Variants in TMEM87A observed in about 807,000 individuals in gnomAD.
TMEM87A encodes the protein transmembrane protein 87A, also known as Golgi-pH regulating cation channel.
A neutral mutation model predicts 90.0 loss-of-function variants in TMEM87A; 50 were observed. The observed-to-expected ratio is 0.56, with a 90% CI of 0.44 to 0.70. The LOEUF is 0.70. TMEM87A is among the 30% of genes least tolerant of loss of function. TMEM87A has a pLI of 0.00. For missense variants in TMEM87A, 577 were observed against 660.5 expected (o/e 0.87, Z 1.39); for synonymous variants, 226 against 226.7 (o/e 1.00, Z 0.03).
chr15:42,228,853 A>G lies in TMEM87A; in HGVS notation c.1132-33T>C, dbSNP rs2050641017. The stretch of plus-strand genomic sequence containing the variant: ...CAGGTCAAGGAATTCAACATTCAGG[A>G]AAAAACAGTAAGCTAGCCAATTAGT... On this transcript the variant is annotated intron_variant, in intron 12 of 19. Coordinates refer to ENST00000389834, the MANE Select transcript of TMEM87A (RefSeq NM_015497.5). 2.0e-6 allele frequency: 3 copies of G among 1,469,058 alleles called. No individual in the cohort carries two copies. The East Asian group carries it at 6.9e-5, about 34-fold the overall frequency. The allele number at this position is 1,469,058 out of a possible 1,614,324, so 91.0% of individuals were successfully genotyped here. A position where few individuals can be genotyped will look rare whatever the true frequency, so the allele number is the denominator to read the frequency against.
intron 6 of TMEM87A, chr15:42,258,069 C>A (rs1250830165): frequency 9.2e-6 from 9 of 975,002 alleles, no homozygotes; most frequent in Non-Finnish European, 1.1e-5. Flanking sequence ...CACAACACTG[C>A]ATAAAATTCC....
intron 10 of TMEM87A, 55 bp from the exon 11 acceptor site, chr15:42,233,361 G>GTTCCTGTTACTTAGCTTGTTT: frequency 7.4e-7 from 1 of 1,355,998 alleles, no homozygotes; most frequent in Non-Finnish European, 1.0e-6. Context: ...GCCGAAACAA[G>GTTCCTGTTACTTAGCTTGTTT]CTAAGTAACA....
intron 19 of TMEM87A, among the ~76,000 whole-genome samples, chr15:42,214,815 C>T (rs2050353821): frequency 6.6e-6 from 1 of 152,134 alleles, no homozygotes; most frequent in African/African-American, 2.4e-5. Context: ...ACACCAAAAG[C>T]ACAAAACAAG....
intron 8 of TMEM87A, among the ~76,000 whole-genome samples, chr15:42,238,813 A>G (rs1322919357): frequency 6.7e-6 from 1 of 149,004 alleles, no homozygotes; most frequent in Non-Finnish European, 1.5e-5. Context: ...TATATAGATG[A>G]AGACAACACT....
rs529177409 is a variant in TMEM87A at position 42,262,687 on chromosome 15, G to T, written c.405+1403C>A. Reference sequence around the variant, plus strand: ...CCACCTCGGCCTCCCAAAGTGCTGGGATTACAGGCCTGAGCCACCGCATCT... The same window carrying T: ...CCACCTCGGCCTCCCAAAGTGCTGGTATTACAGGCCTGAGCCACCGCATCT... On this transcript the variant is annotated intron_variant, in intron 4 of 19. Transcript: ENST00000389834. Among the ~76,000 whole-genome samples the T allele has an allele frequency of 7.2e-5, 11 of 152,254 alleles. No homozygotes were observed. The East Asian group carries it at 2.1e-3, about 29-fold the overall frequency.
chr15:42,270,855 T>C (rs983288865), intron 2 of TMEM87A, among the ~76,000 whole-genome samples: 4 of 152,210 alleles, frequency 2.6e-5, no homozygotes, highest in African/African-American at 9.6e-5. Context: ...AGAGAAATTC[T>C]ACCTGCTGTT....
chr15:42,271,005 C>A (rs1409118994), intron 2 of TMEM87A, among the ~76,000 whole-genome samples: 1 of 152,200 alleles, frequency 6.6e-6, no homozygotes, highest in Non-Finnish European at 1.5e-5. Context: ...AAATTTTGCA[C>A]TTCCGTGAAG....
chr15:42,243,983 A>G (rs1456642794), intron 7 of TMEM87A, 67 bp downstream of exon 7: 5 of 920,914 alleles, frequency 5.4e-6, no homozygotes, highest in Admixed American at 2.9e-5. Flanking sequence ...ATAAAAAAGC[A>G]TATGTAAAGT....
At chr15:42,239,842 T>A in intron 7 of TMEM87A, 111 bp from the exon 8 acceptor site, 1 of 898,672 alleles carries the variant, frequency 1.1e-6, no homozygotes, top group South Asian at 1.3e-5. Flanking sequence ...GTCATTTACT[T>A]TTAGGCACTT....
At chr15:42,223,689 A>G (rs1056043956) in intron 15 of TMEM87A, among the ~76,000 whole-genome samples, 1 of 152,252 alleles carries the variant, frequency 6.6e-6, no homozygotes, top group African/African-American at 2.4e-5. Flanking sequence ...TCTGTTCATT[A>G]TAAACAAACA....
intron 6 of TMEM87A, among the ~76,000 whole-genome samples, chr15:42,254,154 C>G (rs1336124219): frequency 6.6e-6 from 1 of 151,836 alleles, no homozygotes; most frequent in Non-Finnish European, 1.5e-5. Flanking sequence ...AAGTGCCCTT[C>G]AAAAGAACCT....
Position 42,237,314 on chromosome 15 carries a change from T to A in TMEM87A, c.868+118A>T, listed in dbSNP as rs1198946819. On this transcript the variant is annotated intron_variant, in intron 9 of 19. Transcript: ENST00000389834. ...AGTCATAGTGATTCTGCTTAAGATA[T>A]TGTAATAATTAAGTAATTGAAAAGT... 3 of 943,774 alleles carry A rather than the reference T, an allele frequency of 3.2e-6. No homozygotes were observed. The Admixed American group carries it at 8.4e-5, about 26-fold the overall frequency. The allele number at this position is 943,774 out of a possible 1,614,324, so 58.5% of individuals were successfully genotyped here.
chr15:42,219,573 ATACT>A lies in TMEM87A; in HGVS notation c.1539+4_1539+7del. The A allele has an allele frequency of 6.3e-7, 1 of 1,592,806 alleles. No homozygotes were observed. Among genetic ancestry groups the A allele is most frequent in the Non-Finnish European group, 8.6e-7 (1 of 1,167,718 alleles). On this transcript the variant is annotated splice_donor_5th_base_variant and intron_variant, in intron 17 of 19. Coordinates refer to ENST00000389834, the MANE Select transcript of TMEM87A (RefSeq NM_015497.5). ...AAGAACAAAGACAAATGGAAAAGTC[ATACT>A]TACTGCTTTGTTAACTTTACTATTT...
At chr15:42,249,613 G>A (rs773119324) in intron 6 of TMEM87A, among the ~76,000 whole-genome samples, 3 of 152,216 alleles carry the variant, frequency 2.0e-5, no homozygotes, top group African/African-American at 7.2e-5. Context: ...TCTTAATCTT[G>A]AGTTCTAATT....
Position 42,211,767 on chromosome 15 carries a change from G to T in TMEM87A, c.1627-18C>A. 1 of 1,595,752 alleles carries T rather than the reference G, an allele frequency of 6.3e-7. No homozygotes were observed. ...ATTCGTTCCTAGGGAAAAAAAAAAA[G>T]GTTGAAGTATATTAGGTTAAAATGA... On this transcript the variant is annotated intron_variant, in intron 19 of 19. Coordinates refer to ENST00000389834, the MANE Select transcript of TMEM87A (RefSeq NM_015497.5).
chr15:42,226,069 G>A (rs975073466), intron 15 of TMEM87A, among the ~76,000 whole-genome samples: 1 of 151,862 alleles, frequency 6.6e-6, no homozygotes, highest in Non-Finnish European at 1.5e-5. Context: ...GCATGATCTC[G>A]GCTCAGTGCA....
intron 3 of TMEM87A, among the ~76,000 whole-genome samples, chr15:42,267,490 C>A (rs191750065): frequency 6.6e-6 from 1 of 152,152 alleles, no homozygotes; most frequent in Admixed American, 6.5e-5. Context: ...TGTACTTAAG[C>A]CAAATTATTG....
intron 4 of TMEM87A, among the ~76,000 whole-genome samples, chr15:42,261,646 T>TC (rs1017603783): frequency 6.6e-5 from 10 of 151,542 alleles, no homozygotes; most frequent in African/African-American, 1.9e-4. Flanking sequence ...TCTTTTTTTT[T>TC]TTTTTGAGAC....
chr15:42,257,574 T>G (rs906233870), intron 6 of TMEM87A, among the ~76,000 whole-genome samples: 1 of 152,222 alleles, frequency 6.6e-6, no homozygotes, highest in Admixed American at 6.5e-5. Context: ...CACTCTCACT[T>G]TCTTGGGGCC....
Sources: allele counts gnomAD v4.1 joint callset (sites outside exome capture counted in the v4.1 genomes callset), GRCh38; gene constraint gnomAD v4.1.1; transcripts MANE v1.5; gene names NCBI Gene and HGNC (gene_info 2026-07-23, HGNC 2026-07-21).